The following SLC24A2 variants were observed in gnomAD, a reference collection of about 807,000 sequenced individuals.
SLC24A2 encodes the protein solute carrier family 24 member 2, also known as sodium/potassium/calcium exchanger 2.
In SLC24A2, 36 loss-of-function variants were observed where a neutral mutation model predicts 62.0. The ratio of observed to expected loss-of-function variants is 0.58; its 90% CI spans 0.44 to 0.77. The LOEUF (loss-of-function observed/expected upper bound fraction) is 0.77. Among genes scored for constraint, SLC24A2 ranks in the 30% least tolerant of loss-of-function variants. SLC24A2 has a pLI of 0.00. For missense variants in SLC24A2, 846 were observed against 817.9 expected (o/e 1.03, Z -0.42); for synonymous variants, 358 against 294.0 (o/e 1.22, Z -2.23).
In SLC24A2 at chr9:19,553,868, C is replaced by T. The variant is rs1391766339; in HGVS notation, c.1348-3600G>A. On this transcript the variant is annotated intron_variant, in intron 7 of 10. Coordinates refer to ENST00000341998, the MANE Select transcript of SLC24A2 (RefSeq NM_020344.4). ...AGTTACAGGGCTGCTGGCCGGTTAA[C>T]GTGGCAAGAGACTACTGCTTGTCTT... is the stretch of plus-strand genomic sequence containing the variant. Among the ~76,000 whole-genome samples, 4 of 152,326 alleles carry T rather than the reference C, an allele frequency of 2.6e-5. No homozygotes were observed. The South Asian group carries it at 6.2e-4, about 24-fold the overall frequency.
intron 2 of SLC24A2, among the ~76,000 whole-genome samples, chr9:19,670,597 G>C (rs1819386713): frequency 6.6e-6 from 1 of 152,120 alleles, no homozygotes; most frequent in African/African-American, 2.4e-5. Flanking sequence ...GGGGAATTTA[G>C]ATACAGAGAG....
the SLC24A2 span, among the ~76,000 whole-genome samples, chr9:20,149,326 T>G: frequency 6.6e-6 from 1 of 151,798 alleles, no homozygotes; most frequent in African/African-American, 2.4e-5. Context: ...ACACCAACAA[T>G]GAGGAGACTT....
At chr9:20,101,991 C>T in the SLC24A2 span, among the ~76,000 whole-genome samples, 1 of 152,136 alleles carries the variant, frequency 6.6e-6, no homozygotes, top group Non-Finnish European at 1.5e-5. Flanking sequence ...CTAGGAGCCT[C>T]CTTTATACCG....
the SLC24A2 span, among the ~76,000 whole-genome samples, chr9:19,901,551 G>C: frequency 6.6e-6 from 1 of 152,162 alleles, no homozygotes; most frequent in Non-Finnish European, 1.5e-5. Flanking sequence ...TACATATTCA[G>C]CAGGTTACAA....
At chr9:20,237,726 C>T in the SLC24A2 span, among the ~76,000 whole-genome samples, 4 of 152,120 alleles carry the variant, frequency 2.6e-5, no homozygotes, top group Non-Finnish European at 5.9e-5. Context: ...TCTGAGCAGT[C>T]TTAATAAAGT....
the SLC24A2 span, among the ~76,000 whole-genome samples, chr9:19,900,970 T>G: frequency 2.0e-4 from 31 of 152,334 alleles, no homozygotes; most frequent in African/African-American, 7.0e-4. Context: ...AGCAGCATAG[T>G]GCAGAGCAAA....
chr9:20,157,766 C>T, the SLC24A2 span, among the ~76,000 whole-genome samples: 1 of 151,500 alleles, frequency 6.6e-6, no homozygotes, highest in Non-Finnish European at 1.5e-5. Flanking sequence ...ATTAATCCTA[C>T]AGAAATTAGA....
chr9:20,092,828 A>G, the SLC24A2 span, among the ~76,000 whole-genome samples: 1 of 152,158 alleles, frequency 6.6e-6, no homozygotes, highest in Non-Finnish European at 1.5e-5. Context: ...TATACATTAG[A>G]TCCCCAGAAC....
At chr9:19,530,129 C>T (rs568218292) in intron 8 of SLC24A2, among the ~76,000 whole-genome samples, 4 of 148,510 alleles carry the variant, frequency 2.7e-5, no homozygotes, top group South Asian at 2.1e-4. Flanking sequence ...TTCTGGAGAC[C>T]GAATTCCCTG....
At chr9:19,794,596 TAAA>T in the SLC24A2 span, among the ~76,000 whole-genome samples, 2 of 143,978 alleles carry the variant, frequency 1.4e-5, no homozygotes, top group South Asian at 2.2e-4. Flanking sequence ...GTTGGAAAGT[TAAA>T]AAAAAAAAAA....
At chr9:19,773,810 A>G (rs959410641) in intron 2 of SLC24A2, among the ~76,000 whole-genome samples, 7 of 152,244 alleles carry the variant, frequency 4.6e-5, no homozygotes, top group African/African-American at 9.6e-5. Flanking sequence ...TTAAATATTG[A>G]TGATACACAC....
At chr9:19,627,831 G>C (rs1020632269) in intron 2 of SLC24A2, among the ~76,000 whole-genome samples, 1 of 152,136 alleles carries the variant, frequency 6.6e-6, no homozygotes, top group African/African-American at 2.4e-5. Flanking sequence ...ACTGTTCCCA[G>C]CCTATCTACT....
the SLC24A2 span, among the ~76,000 whole-genome samples, chr9:19,949,090 T>G: frequency 2.6e-5 from 4 of 151,708 alleles, no homozygotes; most frequent in Admixed American, 6.6e-5. Flanking sequence ...GCCCCCTGAG[T>G]TCAAGTGATT....
At chr9:20,074,563 A>AAGGC in the SLC24A2 span, among the ~76,000 whole-genome samples, 2 of 62,386 alleles carry the variant, frequency 3.2e-5, no homozygotes, top group African/African-American at 1.3e-4. Context: ...GGCAGGAAGG[A>AAGGC]AGGAAGGAAG....
chr9:20,062,850 T>A, the SLC24A2 span, among the ~76,000 whole-genome samples: 38 of 127,932 alleles, frequency 3.0e-4, 1 homozygote, highest in South Asian at 8.9e-3. Flanking sequence ...CAGACACTTC[T>A]CAAAAGAAGA....
intron 7 of SLC24A2, among the ~76,000 whole-genome samples, chr9:19,561,001 C>T (rs1260095954): frequency 1.3e-5 from 2 of 151,938 alleles, no homozygotes; most frequent in African/African-American, 2.4e-5. Context: ...TCTTGGCTCA[C>T]TGCAACCTCC....
At chr9:20,170,318 G>C in the SLC24A2 span, among the ~76,000 whole-genome samples, 1 of 151,936 alleles carries the variant, frequency 6.6e-6, no homozygotes, top group Non-Finnish European at 1.5e-5. Flanking sequence ...TCTGCAGAAG[G>C]GTAGCACTCC....
At chr9:20,145,554 CT>C in the SLC24A2 span, among the ~76,000 whole-genome samples, 1 of 151,014 alleles carries the variant, frequency 6.6e-6, no homozygotes, top group African/African-American at 2.4e-5. Context: ...GAAAGGAGTT[CT>C]TTTTTTTAAA....
chr9:20,165,530 T>C, the SLC24A2 span, among the ~76,000 whole-genome samples: 2 of 151,882 alleles, frequency 1.3e-5, no homozygotes, highest in African/African-American at 4.8e-5. Context: ...AAGTGGTATC[T>C]CAAATGACTG....
Sources: allele counts gnomAD v4.1 joint callset (sites outside exome capture counted in the v4.1 genomes callset), GRCh38; gene constraint gnomAD v4.1.1; transcripts MANE v1.5; gene names NCBI Gene and HGNC (gene_info 2026-07-23, HGNC 2026-07-21).